The following DNM3 variants were observed in gnomAD, a reference collection of about 807,000 sequenced individuals.
DNM3 encodes dynamin 3.
In DNM3, 47 loss-of-function variants were observed where a neutral mutation model predicts 101.6. The ratio of observed to expected loss-of-function variants is 0.46; its 90% confidence interval spans 0.37 to 0.59. The LOEUF (loss-of-function observed/expected upper bound fraction) is 0.59. DNM3 is among the 20% of genes least tolerant of loss of function. The probability of loss-of-function intolerance (pLI) is 0.00; values close to 1 mark genes in which losing one functional copy is unlikely to be tolerated. For synonymous variants in DNM3, 385 were observed against 387.9 expected, an observed-to-expected ratio of 0.99 and a Z score of 0.09; for missense variants, 849 against 1,085.7, an observed-to-expected ratio of 0.78 and a Z score of 3.06.
intron 13 of DNM3, among the ~76,000 whole-genome samples, chr1:172,125,614 G>T (rs1440972887): frequency 1.3e-5 from 2 of 152,080 alleles, no homozygotes; most frequent in African/African-American, 2.4e-5. Flanking sequence ...AGAAGCTTGG[G>T]TGATATTTAT....
intron 14 of DNM3, among the ~76,000 whole-genome samples, chr1:172,234,844 T>C (rs1235206444): frequency 1.3e-5 from 2 of 152,150 alleles, no homozygotes; most frequent in East Asian, 3.8e-4. Context: ...TATACAAAAA[T>C]TAATTCAAGA....
chr1:172,008,183 T>C (rs1166296203), intron 4 of DNM3, among the ~76,000 whole-genome samples: 1 of 151,962 alleles, frequency 6.6e-6, no homozygotes. Flanking sequence ...TTTCCTCCGG[T>C]ATGCAGAAGT....
chr1:172,022,174 A>C (rs1379563632), intron 4 of DNM3, among the ~76,000 whole-genome samples: 1 of 151,456 alleles, frequency 6.6e-6, no homozygotes, highest in Non-Finnish European at 1.5e-5. Flanking sequence ...TTCCTCTCCA[A>C]GTCTCACTCT....
chr1:171,997,737 G>C (rs1383741913), intron 4 of DNM3, among the ~76,000 whole-genome samples: 2 of 152,106 alleles, frequency 1.3e-5, no homozygotes, highest in Non-Finnish European at 2.9e-5. Context: ...TCAATGTGCT[G>C]TATCACCTGG....
chr1:172,107,325 G>T (rs1370700818), intron 13 of DNM3, among the ~76,000 whole-genome samples: 1 of 152,084 alleles, frequency 6.6e-6, no homozygotes, highest in Non-Finnish European at 1.5e-5. Context: ...TGTTGGGAGT[G>T]AGGGGAGTAG....
At chr1:171,963,050 G>A (rs1031122771) in intron 2 of DNM3, among the ~76,000 whole-genome samples, 15 of 152,070 alleles carry the variant, frequency 9.9e-5, no homozygotes, top group African/African-American at 3.6e-4. Context: ...ACTCAAGTGC[G>A]ATGAAAATTT....
chr1:172,253,025 T>G (rs2062240223), intron 14 of DNM3, among the ~76,000 whole-genome samples: 1 of 152,144 alleles, frequency 6.6e-6, no homozygotes, highest in Non-Finnish European at 1.5e-5. Flanking sequence ...TCATAGTTTA[T>G]GGGGGGTATT....
At chr1:172,056,254 C>G (rs376062001) in intron 10 of DNM3, among the ~76,000 whole-genome samples, 1 of 152,138 alleles carries the variant, frequency 6.6e-6, no homozygotes, top group African/African-American at 2.4e-5. Context: ...AAGGTGGCAG[C>G]GAGGCTGGGG....
intron 14 of DNM3, among the ~76,000 whole-genome samples, chr1:172,145,890 T>C (rs1054071139): frequency 6.6e-6 from 1 of 152,184 alleles, no homozygotes; most frequent in Non-Finnish European, 1.5e-5. Context: ...TTATAAGATA[T>C]CAGCCCACTG....
chr1:172,308,985 T>C, intron 16 of DNM3, 146 bp downstream of exon 16: 1 of 431,176 alleles, frequency 2.3e-6, no homozygotes, highest in South Asian at 7.1e-5. Flanking sequence ...CGCTTACTCT[T>C]TTTATATTTT....
At chr1:172,002,795 A>T (rs1023482623) in intron 4 of DNM3, among the ~76,000 whole-genome samples, 1 of 152,034 alleles carries the variant, frequency 6.6e-6, no homozygotes, top group African/African-American at 2.4e-5. Flanking sequence ...TAAAATTTGG[A>T]TTTTTAAAAA....
chr1:172,263,484 A>G (rs917857394), intron 15 of DNM3, among the ~76,000 whole-genome samples: 5 of 152,192 alleles, frequency 3.3e-5, no homozygotes, highest in African/African-American at 9.7e-5. Flanking sequence ...TAATAAAGAC[A>G]TATCTGAGAC....
At chr1:171,870,181 T>G (rs576525953) in intron 1 of DNM3, among the ~76,000 whole-genome samples, 4 of 152,188 alleles carry the variant, frequency 2.6e-5, no homozygotes, top group African/African-American at 9.6e-5. Flanking sequence ...TCTGAAAAAA[T>G]TATTAAATAA....
At chr1:171,874,957 A>G (rs181361841) in intron 1 of DNM3, among the ~76,000 whole-genome samples, 3 of 152,088 alleles carry the variant, frequency 2.0e-5, no homozygotes, top group Admixed American at 2.0e-4. Flanking sequence ...CACTTAGGAT[A>G]ATGGCCTCCA....
intron 17 of DNM3, among the ~76,000 whole-genome samples, chr1:172,377,796 T>A (rs908442524): frequency 6.6e-6 from 1 of 151,786 alleles, no homozygotes; most frequent in Non-Finnish European, 1.5e-5. Context: ...ATTATTTTAA[T>A]GTGTTTTTTA....
At chr1:172,210,803 C>T (rs925759877) in intron 14 of DNM3, among the ~76,000 whole-genome samples, 1 of 152,084 alleles carries the variant, frequency 6.6e-6, no homozygotes, top group African/African-American at 2.4e-5. Context: ...CTTCAACATA[C>T]ATCAGCATGT....
chr1:171,988,143 T>C (rs2125617560), intron 3 of DNM3, among the ~76,000 whole-genome samples: 2 of 152,308 alleles, frequency 1.3e-5, no homozygotes, highest in Middle Eastern at 6.8e-3. Flanking sequence ...CATCTTCCCC[T>C]ATTGGATGTC....
At chr1:172,104,848 A>G (rs1361333591) in intron 13 of DNM3, among the ~76,000 whole-genome samples, 1 of 152,210 alleles carries the variant, frequency 6.6e-6, no homozygotes, top group African/African-American at 2.4e-5. Flanking sequence ...GAGGTGAGGC[A>G]CTAACTTACA....
chr1:172,328,637 T>C (rs1197296872), intron 17 of DNM3, among the ~76,000 whole-genome samples: 1 of 151,916 alleles, frequency 6.6e-6, no homozygotes, highest in African/African-American at 2.4e-5. Flanking sequence ...GGGGCCTACT[T>C]GAGAGTGGAG....
Sources: allele counts gnomAD v4.1 joint callset (sites outside exome capture counted in the v4.1 genomes callset), GRCh38; gene constraint gnomAD v4.1.1; transcripts MANE v1.5; gene names NCBI Gene and HGNC (gene_info 2026-07-23, HGNC 2026-07-21).